The following CFAP46 variants were observed in gnomAD, a reference collection of about 807,000 sequenced individuals.
CFAP46 encodes cilia and flagella associated protein 46.
CFAP46 carries 245 observed loss-of-function variants against 325.7 expected under a neutral mutation model. That is an observed-to-expected ratio of 0.75 (90% CI 0.68 to 0.84). CFAP46 has a LOEUF of 0.84. Among genes scored for constraint, CFAP46 ranks in the 40% least tolerant of loss-of-function variants. The pLI, the probability that CFAP46 is intolerant of heterozygous loss-of-function variation, is 0.00. For missense variants in CFAP46, 3,346 were observed against 3,543.0 expected, an observed-to-expected ratio of 0.94 and a Z score of 1.41; for synonymous variants, 1,523 against 1,495.9, an observed-to-expected ratio of 1.02 and a Z score of -0.42.
At position 132,847,241 on chromosome 10, in the gene CFAP46, C is replaced by A. The variant is rs775679745; in HGVS notation, c.6033G>T (p.Pro2011=). Residue 2011 remains proline, a synonymous_variant, in exon 42 of 58, where the codon CCG becomes CCT. Transcript: ENST00000368586. The surrounding 1 kb of genome is among the most constrained non-coding windows in gnomAD (Gnocchi z 5.2). ...EEGATKSSRD[P]PASRAAPEEH... is the part of the protein sequence containing the mutation. ...CCTCCGGGGCTGCCCTGGAGGCCGG[C>A]GGGTCCCTGCTGGACTTTGTGGCAC... 8 of 1,613,158 alleles carry A rather than the reference C, an allele frequency of 5.0e-6. No individual in the cohort carries two copies. The African/African-American group carries it at 8.0e-5, about 16-fold the overall frequency.
intron 48 of CFAP46, 134 bp downstream of exon 48, chr10:132,834,520 A>G: frequency 7.9e-7 from 1 of 1,261,750 alleles, no homozygotes; most frequent in Non-Finnish European, 1.1e-6. Flanking sequence ...TCCTGGGAGC[A>G]GGCAGGCGGC....
chr10:132,847,468 C>T lies in CFAP46; in HGVS notation c.5953-147G>A. ...CCGCAGGCCACAGCATGGCCTCTCACTATCCCAAACCCTCCATCCCTGAGT... is the reference window on the plus strand; with the variant it reads ...CCGCAGGCCACAGCATGGCCTCTCATTATCCCAAACCCTCCATCCCTGAGT... On this transcript the variant is annotated intron_variant, in intron 41 of 57. Transcript: ENST00000368586. This position sits in a 1 kb window ranked among gnomAD's most constrained non-coding sequence, Gnocchi z 5.2. 1.1e-6 allele frequency: 1 copy of T among 945,340 alleles called. No homozygotes were observed. The highest frequency in any genetic ancestry group is 1.6e-6 in the Non-Finnish European group (1 of 620,164). The allele number at this position is 945,340 out of a possible 1,614,324, so 58.6% of individuals were successfully genotyped here. A position where few individuals can be genotyped will look rare whatever the true frequency, so the allele number is the denominator to read the frequency against.
At position 132,869,822 on chromosome 10, in the gene CFAP46, C is replaced by T. The variant is rs190932696; in HGVS notation, c.4512-450G>A. The stretch of plus-strand genomic sequence containing the variant: ...GCCCCGTGACCACGCCTGCTCCAGC[C>T]TCCTCTCCCGTGCCCGCCCCTGGGA... On this transcript the variant is annotated intron_variant, in intron 32 of 57. Coordinates refer to ENST00000368586, the MANE Select transcript of CFAP46 (RefSeq NM_001200049.3). This position sits in a 1 kb window ranked among gnomAD's most constrained non-coding sequence, Gnocchi z 6.2. Among the ~76,000 whole-genome samples the T allele has an allele frequency of 8.5e-4, 129 of 152,340 alleles. No homozygotes were observed. Among genetic ancestry groups the T allele is most frequent in the South Asian group, 5.8e-3 (28 of 4,830 alleles).
chr10:132,926,171 C>T (rs1300318934), intron 10 of CFAP46, among the ~76,000 whole-genome samples: 1 of 152,218 alleles, frequency 6.6e-6, no homozygotes, highest in African/African-American at 2.4e-5. Context: ...TTTTGCCCCT[C>T]ATCATTAGGA....
intron 25 of CFAP46, among the ~76,000 whole-genome samples, chr10:132,888,605 A>G (rs371705532): frequency 0.012 from 199 of 16,764 alleles, no homozygotes; most frequent in East Asian, 0.056. Context: ...CACCCCTGCC[A>G]CCTTCACCCC....
At chr10:132,874,354 A>G (rs1848933868) in intron 31 of CFAP46, among the ~76,000 whole-genome samples, 1 of 149,240 alleles carries the variant, frequency 6.7e-6, no homozygotes, top group Non-Finnish European at 1.5e-5. Context: ...GGAGGAAAAC[A>G]TCATCTGCAT....
intron 50 of CFAP46, among the ~76,000 whole-genome samples, chr10:132,822,134 C>T (rs1418271231): frequency 5.3e-5 from 6 of 113,658 alleles, no homozygotes; most frequent in Admixed American, 2.0e-4. Flanking sequence ...CTTGTGTGTG[C>T]TGTGTGTGTG....
chr10:132,909,839 G>T, intron 20 of CFAP46, 80 bp downstream of exon 20: 1 of 1,319,608 alleles, frequency 7.6e-7, no homozygotes, highest in Non-Finnish European at 9.7e-7. Context: ...GGTCCCGGGG[G>T]CCCCACCACC....
At chr10:132,879,229 CTT>C (rs1849002235) in intron 29 of CFAP46, among the ~76,000 whole-genome samples, 195 bp downstream of exon 29, 1 of 152,156 alleles carries the variant, frequency 6.6e-6, no homozygotes, top group South Asian at 2.1e-4. Context: ...GGGGGAGTCT[CTT>C]GTTTTTATGC....
At chr10:132,907,832 C>T (rs1373222958) in intron 22 of CFAP46, among the ~76,000 whole-genome samples, 2 of 152,190 alleles carry the variant, frequency 1.3e-5, no homozygotes, top group East Asian at 3.9e-4. Flanking sequence ...GAGAGCCCTG[C>T]CCCTTCCCGC....
intron 44 of CFAP46, among the ~76,000 whole-genome samples, chr10:132,842,082 T>C (rs1453813332): frequency 6.6e-6 from 1 of 152,214 alleles, no homozygotes; most frequent in Non-Finnish European, 1.5e-5. Flanking sequence ...AGCTTCCAGA[T>C]CCTTCCGCTC....
intron 7 of CFAP46, among the ~76,000 whole-genome samples, chr10:132,935,559 TGCGATCTTCTCATTCCCCTCAGCAC>T (rs1849984737): frequency 7.8e-6 from 1 of 127,766 alleles, no homozygotes; most frequent in Non-Finnish European, 1.6e-5. Context: ...CCAAACACAC[TGCGATCTTCTCATTCCCCTCAGCAC>T]CCAAACCCAC....
rs1849223778 is a variant in CFAP46 at position 132,889,350 on chromosome 10, A to C, written c.3304+2983T>G. 6.6e-6 allele frequency among the ~76,000 whole-genome samples: 1 copy of C among 152,302 alleles called. No individual in the cohort carries two copies. Among genetic ancestry groups the C allele is most frequent in the African/African-American group, 2.4e-5 (1 of 41,582 alleles). On this transcript the variant is annotated intron_variant, in intron 25 of 57. Transcript: ENST00000368586. The surrounding 1 kb of genome is among the most constrained non-coding windows in gnomAD (Gnocchi z 6.0). The stretch of plus-strand genomic sequence containing the variant: ...AGCAGAGGTGCCCATGGCTGGAAGG[A>C]AGGCACCCATGGCTAGGAGGGCGGC...
chr10:132,868,211 A>G (rs1848846371), intron 33 of CFAP46, among the ~76,000 whole-genome samples: 1 of 151,742 alleles, frequency 6.6e-6, no homozygotes, highest in Non-Finnish European at 1.5e-5. Context: ...CGCTGCTCCC[A>G]GCACACCACA....
At chr10:132,935,626 C>T in intron 7 of CFAP46, among the ~76,000 whole-genome samples, 1 of 143,620 alleles carries the variant, frequency 7.0e-6, no homozygotes, top group Admixed American at 6.8e-5. Context: ...GGCACCCAAA[C>T]ACACTGTGAT....
intron 21 of CFAP46, 50 bp downstream of exon 21, chr10:132,909,087 C>T (rs571168790): frequency 1.3e-5 from 17 of 1,345,310 alleles, no homozygotes; most frequent in South Asian, 3.8e-5. Context: ...AGAGCCTCGG[C>T]GTCCTCGCCT....
At chr10:132,825,197 C>A (rs572155950) in intron 50 of CFAP46, among the ~76,000 whole-genome samples, 1 of 121,112 alleles carries the variant, frequency 8.3e-6, no homozygotes. Context: ...GTGCTGTGTG[C>A]GCTGTGTGCT....
Position 132,808,984 on chromosome 10 carries a change from G to T in CFAP46, c.7665-80C>A. 7.2e-7 allele frequency: 1 copy of T among 1,385,124 alleles called. No homozygotes were observed. Among genetic ancestry groups the T allele is most frequent in the Non-Finnish European group, 9.7e-7 (1 of 1,033,250 alleles). 85.8% of individuals were successfully genotyped at this position (1,385,124 alleles called of 1,614,324 possible). A position where few individuals can be genotyped will look rare whatever the true frequency, so the allele number is the denominator to read the frequency against. ...CCGGTGAGGACCAGGGCACAGGGGC[G>T]GGAAGTGGCAGCTGCTCCAACTGAG... On this transcript the variant is annotated intron_variant, in intron 57 of 57. Coordinates refer to ENST00000368586, the MANE Select transcript of CFAP46 (RefSeq NM_001200049.3). This position sits in a 1 kb window ranked among gnomAD's most constrained non-coding sequence, Gnocchi z 6.8.
rs370966197 is a variant in CFAP46 at position 132,870,765 on chromosome 10, A to G, written c.4512-1393T>C. 3.3e-5 allele frequency among the ~76,000 whole-genome samples: 5 copies of G among 152,350 alleles called. 1 individual carries two copies. Among genetic ancestry groups the G allele is most frequent in the African/African-American group, 1.2e-4 (5 of 41,586 alleles). ...CAGAAGCTGTCTCTGTCACATAAAA[A>G]TGCCAGGTGAAGCAGCAAGTGCTGA... is the stretch of plus-strand genomic sequence containing the variant. On this transcript the variant is annotated intron_variant, in intron 32 of 57. Coordinates refer to ENST00000368586, the MANE Select transcript of CFAP46 (RefSeq NM_001200049.3).
Sources: gnomAD v4.1 joint callset for allele counts (sites outside exome capture counted in the v4.1 genomes callset) on GRCh38, gnomAD v4.1.1 for gene constraint, Gnocchi (gnomAD v3.1) non-coding constraint, MANE v1.5 for transcripts, NCBI Gene and HGNC (gene_info 2026-07-23, HGNC 2026-07-21) for gene names.